The following PTPRN2 variants were observed in gnomAD, a reference collection of about 807,000 sequenced individuals.
PTPRN2 encodes protein tyrosine phosphatase receptor type N2.
In PTPRN2, 74 loss-of-function variants were observed where a neutral mutation model predicts 118.8. The observed-to-expected ratio is 0.62, with a 90% CI of 0.52 to 0.76. The LOEUF is 0.76. Among genes scored for constraint, PTPRN2 ranks in the 30% least tolerant of loss-of-function variants. PTPRN2 has a pLI of 0.00. For missense variants in PTPRN2, 1,481 were observed against 1,394.4 expected (o/e 1.06, Z -0.99); for synonymous variants, 641 against 608.0 (o/e 1.05, Z -0.80).
intron 1 of PTPRN2, among the ~76,000 whole-genome samples, chr7:158,499,638 G>A (rs1822203215): frequency 6.6e-6 from 1 of 152,136 alleles, no homozygotes; most frequent in Admixed American, 6.5e-5. Context: ...GGGCATGGTG[G>A]TGCATGCCTA....
chr7:157,775,432 G>C (rs931943954), intron 12 of PTPRN2, among the ~76,000 whole-genome samples: 1 of 152,256 alleles, frequency 6.6e-6, no homozygotes, highest in African/African-American at 2.4e-5. Flanking sequence ...AGGGCCGAGG[G>C]ATGGAAGGAA....
intron 3 of PTPRN2, among the ~76,000 whole-genome samples, chr7:158,205,635 C>T (rs1292683293): frequency 6.6e-6 from 1 of 152,132 alleles, no homozygotes; most frequent in Non-Finnish European, 1.5e-5. Context: ...GGTGAGTGGT[C>T]ACAGTACCTG....
At position 157,933,091 on chromosome 7, in the gene PTPRN2, TCTGA is replaced by T. The variant is rs1284508699; in HGVS notation, c.1724-34358_1724-34355del. 2.7e-5 allele frequency among the ~76,000 whole-genome samples: 4 copies of T among 150,488 alleles called. No homozygotes were observed. The South Asian group carries it at 6.4e-4, about 24-fold the overall frequency. Reference sequence around the variant, plus strand: ...CATTTTTAGAGGAGGGATGAGTCACTCTGACTGACAGTTTTAGAGGAGGGGTGAG... The same window carrying T: ...CATTTTTAGAGGAGGGATGAGTCACTCTGACAGTTTTAGAGGAGGGGTGAG... On this transcript the variant is annotated intron_variant, in intron 11 of 22. Coordinates refer to ENST00000389418, the MANE Select transcript of PTPRN2 (RefSeq NM_002847.5).
chr7:158,275,343 G>A (rs1008519693), intron 3 of PTPRN2, among the ~76,000 whole-genome samples: 1 of 152,164 alleles, frequency 6.6e-6, no homozygotes, highest in African/African-American at 2.4e-5. Context: ...GCCTCTCCAG[G>A]GAAGCCACAG....
chr7:158,127,883 C>T (rs1157733589), intron 9 of PTPRN2, among the ~76,000 whole-genome samples: 1 of 152,200 alleles, frequency 6.6e-6, no homozygotes, highest in Non-Finnish European at 1.5e-5. Flanking sequence ...GGGCGGCTGT[C>T]CTGCCCTTCG....
chr7:158,460,444 A>G (rs55810943), intron 2 of PTPRN2, among the ~76,000 whole-genome samples: 1 of 140,296 alleles, frequency 7.1e-6, no homozygotes. Flanking sequence ...TCTATCTACA[A>G]GTTCCTGCTA....
intron 12 of PTPRN2, among the ~76,000 whole-genome samples, chr7:157,734,680 A>G (rs1040138191): frequency 3.9e-5 from 6 of 152,226 alleles, no homozygotes; most frequent in African/African-American, 1.4e-4. Context: ...AAGCGTTACA[A>G]GGCTGTACTT....
chr7:157,556,718 C>T (rs1319569618), intron 21 of PTPRN2, among the ~76,000 whole-genome samples: 2 of 148,738 alleles, frequency 1.3e-5, no homozygotes, highest in Non-Finnish European at 3.0e-5. Context: ...CACATGTGTG[C>T]ACATGCCCAC....
At chr7:158,498,621 A>C (rs1300048672) in intron 1 of PTPRN2, among the ~76,000 whole-genome samples, 1 of 152,208 alleles carries the variant, frequency 6.6e-6, no homozygotes, top group African/African-American at 2.4e-5. Context: ...CTTCAAAAGA[A>C]GGATGTTTGC....
intron 3 of PTPRN2, among the ~76,000 whole-genome samples, chr7:158,245,547 C>T (rs1281134533): frequency 6.6e-6 from 1 of 152,154 alleles, no homozygotes; most frequent in Non-Finnish European, 1.5e-5. Context: ...GACCTCTTGA[C>T]GTAGAGTCAG....
At position 158,352,799 on chromosome 7, in the gene PTPRN2, T is replaced by C. The variant is rs368230689; in HGVS notation, c.164-35867A>G. On this transcript the variant is annotated intron_variant, in intron 2 of 22. Transcript: ENST00000389418. ...TAGCTTTCAATCCCTTCAATCTAAA[T>C]GTTTCAGGTGAGAGCAGAGATAGAT... Among the ~76,000 whole-genome samples, 41 of 152,376 alleles carry C rather than the reference T, an allele frequency of 2.7e-4. 1 individual carries two copies. The South Asian group carries it at 8.3e-3, about 31-fold the overall frequency.
intron 11 of PTPRN2, among the ~76,000 whole-genome samples, chr7:158,052,481 G>C (rs899272760): frequency 1.3e-5 from 2 of 152,226 alleles, no homozygotes; most frequent in African/African-American, 4.8e-5. Context: ...AGCACCAAAG[G>C]CACCCAGCCT....
intron 11 of PTPRN2, among the ~76,000 whole-genome samples, chr7:157,981,324 G>A (rs1253507726): frequency 8.1e-6 from 1 of 124,036 alleles, no homozygotes; most frequent in South Asian, 2.3e-4. Flanking sequence ...AGGTGAAACT[G>A]CTCAAACTCC....
At position 158,222,596 on chromosome 7, in the gene PTPRN2, G is replaced by A. The variant is rs145027417; in HGVS notation, c.278-17323C>T. On this transcript the variant is annotated intron_variant, in intron 3 of 22. Transcript: ENST00000389418. ...GAAAGGCAGAGGGTGGGAGGAAGAC[G>A]TGGGTTGAAAAGCTATAAGGGACTA... Among the ~76,000 whole-genome samples, 108 of 152,288 alleles carry A rather than the reference G, an allele frequency of 7.1e-4. 3 individuals are homozygous for A. The East Asian group carries it at 0.019, about 27-fold the overall frequency.
rs113284496 is a variant in PTPRN2 at position 157,974,297 on chromosome 7, G to A, written c.1724-75560C>T. ...CGGTGTCAATGGTGCCACTCCAGCC[G>A]GGCCACCCTGCCCACAAGGTCTTCC... is the stretch of plus-strand genomic sequence containing the variant. On this transcript the variant is annotated intron_variant, in intron 11 of 22. Coordinates refer to ENST00000389418, the MANE Select transcript of PTPRN2 (RefSeq NM_002847.5). The surrounding 1 kb of genome is among the most constrained non-coding windows in gnomAD (Gnocchi z 4.0). 6.2e-4 allele frequency among the ~76,000 whole-genome samples: 94 copies of A among 152,292 alleles called. No homozygotes were observed. Among genetic ancestry groups the A allele is most frequent in the African/African-American group, 1.9e-3 (77 of 41,552 alleles).
At chr7:158,032,757 T>C (rs552558295) in intron 11 of PTPRN2, among the ~76,000 whole-genome samples, 10 of 152,284 alleles carry the variant, frequency 6.6e-5, no homozygotes, top group African/African-American at 2.4e-4. Context: ...GCAGGGCAGA[T>C]GGGGCTTAAT....
intron 2 of PTPRN2, among the ~76,000 whole-genome samples, chr7:158,462,028 G>A (rs1239646713): frequency 3.3e-5 from 5 of 152,266 alleles, no homozygotes; most frequent in African/African-American, 7.2e-5. Context: ...TGGGTGCTTC[G>A]GTTCGTACTT....
intron 11 of PTPRN2, among the ~76,000 whole-genome samples, chr7:157,900,205 G>C (rs527535447): frequency 6.6e-6 from 1 of 152,210 alleles, no homozygotes; most frequent in African/African-American, 2.4e-5. Context: ...GTAACAACTG[G>C]GTCAGGCTCG....
intron 3 of PTPRN2, among the ~76,000 whole-genome samples, chr7:158,312,763 G>A (rs1161447669): frequency 7.2e-6 from 1 of 139,762 alleles, no homozygotes; most frequent in Non-Finnish European, 1.6e-5. Context: ...ACGTGCTCAT[G>A]TGTAGATACC....
Sources: allele counts gnomAD v4.1 joint callset (sites outside exome capture counted in the v4.1 genomes callset), GRCh38; gene constraint gnomAD v4.1.1; non-coding constraint Gnocchi (gnomAD v3.1); transcripts MANE v1.5; gene names NCBI Gene and HGNC (gene_info 2026-07-23, HGNC 2026-07-21).